BCR: variants seen among roughly 807,000 people sequenced by gnomAD.
BCR encodes BCR activator of RhoGEF and GTPase.
Under a neutral mutation model 138.6 loss-of-function variants are expected in BCR, and 58 were observed. The observed-to-expected ratio is 0.42, with a 90% CI of 0.34 to 0.52. The LOEUF (loss-of-function observed/expected upper bound fraction) is 0.52. Among genes scored for constraint, BCR ranks in the 20% least tolerant of loss-of-function variants. The pLI is 0.06. For missense variants in BCR, 1,599 were observed against 1,727.2 expected (o/e 0.93, Z 1.32); for synonymous variants, 786 against 730.1 (o/e 1.08, Z -1.23).
chr22:23,268,572 A>C, intron 5 of BCR, 57 bp downstream of exon 5: 1 of 1,393,302 alleles, frequency 7.2e-7, no homozygotes. Context: ...TGTACCCTCC[A>C]CCTCCCGAGG....
intron 6 of BCR, among the ~76,000 whole-genome samples, chr22:23,272,296 A>C (rs2073518667): frequency 6.6e-6 from 1 of 152,194 alleles, no homozygotes; most frequent in African/African-American, 2.4e-5. Flanking sequence ...GAATAGTTAC[A>C]CTTGCAAAGA....
intron 1 of BCR, among the ~76,000 whole-genome samples, chr22:23,238,485 G>T (rs1395227654): frequency 6.6e-6 from 1 of 152,096 alleles, no homozygotes; most frequent in Non-Finnish European, 1.5e-5. Context: ...AGCCCCCCAG[G>T]ATACCTGAAG....
intron 1 of BCR, among the ~76,000 whole-genome samples, chr22:23,233,010 C>T (rs1391967427): frequency 3.2e-4 from 49 of 152,236 alleles, no homozygotes; most frequent in Admixed American, 3.2e-3. Flanking sequence ...GCTCTAATAG[C>T]TTCAGCCTGG....
intron 15 of BCR, among the ~76,000 whole-genome samples, chr22:23,293,383 T>G (rs1470401227): frequency 1.3e-5 from 2 of 152,058 alleles, no homozygotes; most frequent in African/African-American, 4.8e-5. Context: ...ACGAGGCTGG[T>G]GGATGGAGCA....
At chr22:23,288,445 T>C (rs1389728610) in intron 12 of BCR, among the ~76,000 whole-genome samples, 3 of 120,636 alleles carry the variant, frequency 2.5e-5, no homozygotes, top group Non-Finnish European at 5.1e-5. Flanking sequence ...CCCCAGGCCC[T>C]TTCCAGATTC....
At chr22:23,238,327 G>C (rs1408285470) in intron 1 of BCR, among the ~76,000 whole-genome samples, 1 of 152,040 alleles carries the variant, frequency 6.6e-6, no homozygotes, top group African/African-American at 2.4e-5. Context: ...GATTTTCCGG[G>C]GGAAAATCCA....
At chr22:23,260,011 C>T (rs2073339148) in intron 2 of BCR, among the ~76,000 whole-genome samples, 1 of 152,190 alleles carries the variant, frequency 6.6e-6, no homozygotes, top group African/African-American at 2.4e-5. Flanking sequence ...AAGAATGTGA[C>T]ATATGGAACC....
intron 1 of BCR, among the ~76,000 whole-genome samples, chr22:23,190,202 T>G (rs1398225700): frequency 1.3e-5 from 2 of 151,998 alleles, no homozygotes; most frequent in Admixed American, 1.3e-4. Flanking sequence ...AGTTTCACTC[T>G]TGTCACCCAG....
chr22:23,277,799 C>T, intron 8 of BCR, among the ~76,000 whole-genome samples: 1 of 152,192 alleles, frequency 6.6e-6, no homozygotes, highest in Non-Finnish European at 1.5e-5. Context: ...AGCCACATCC[C>T]ATGGCTCCAG....
intron 1 of BCR, among the ~76,000 whole-genome samples, chr22:23,250,129 T>C (rs2073207629): frequency 6.6e-6 from 1 of 152,228 alleles, no homozygotes; most frequent in Non-Finnish European, 1.5e-5. Context: ...GCTTCGCACA[T>C]GTGGAGTCTT....
At chr22:23,188,895 C>G (rs1686627491) in intron 1 of BCR, among the ~76,000 whole-genome samples, 1 of 152,030 alleles carries the variant, frequency 6.6e-6, no homozygotes, top group African/African-American at 2.4e-5. Context: ...AAGACGGGGT[C>G]TCACTCTGTC....
At chr22:23,222,723 C>T (rs1353929204) in intron 1 of BCR, among the ~76,000 whole-genome samples, 1 of 152,120 alleles carries the variant, frequency 6.6e-6, no homozygotes, top group Non-Finnish European at 1.5e-5. Flanking sequence ...GTTCAAGAGC[C>T]CAAGCCTTCC....
At chr22:23,283,953 C>T (rs1408549566) in intron 8 of BCR, 24 bp from the exon 9 acceptor site, 2 of 1,572,904 alleles carry the variant, frequency 1.3e-6, no homozygotes. Flanking sequence ...CTGGCCCTGA[C>T]CCCAGCCTTC....
At chr22:23,253,706 A>G (rs2073258778) in intron 1 of BCR, 93 bp from the exon 2 acceptor site, 1 of 1,446,884 alleles carries the variant, frequency 6.9e-7, no homozygotes, top group Non-Finnish European at 9.4e-7. Flanking sequence ...TGTTGGGGAC[A>G]GAGATGGTGT....
At position 23,219,068 on chromosome 22, in the gene BCR, A is replaced by G. The variant is rs117936501; in HGVS notation, c.1280-34731A>G. Among the ~76,000 whole-genome samples the G allele has an allele frequency of 5.1e-4, 77 of 152,218 alleles. No individual in the cohort carries two copies. The East Asian group carries it at 0.014, about 27-fold the overall frequency. ...ATGCCGCTGCCCTAATGGCTGTGAC[A>G]ATGGATGGATGGATGGACGGAGGGC... is the stretch of plus-strand genomic sequence containing the variant. On this transcript the variant is annotated intron_variant, in intron 1 of 22. Transcript: ENST00000305877.
At chr22:23,256,135 C>G (rs2073292422) in intron 2 of BCR, among the ~76,000 whole-genome samples, 1 of 152,214 alleles carries the variant, frequency 6.6e-6, no homozygotes, top group Non-Finnish European at 1.5e-5. Context: ...GCTGTCGCTT[C>G]CTAGGACACC....
chr22:23,298,302 G>C (rs1412226673), intron 16 of BCR, among the ~76,000 whole-genome samples: 2 of 152,202 alleles, frequency 1.3e-5, no homozygotes, highest in Non-Finnish European at 2.9e-5. Context: ...AATCTGATCA[G>C]ATAGCAAGGG....
intron 16 of BCR, among the ~76,000 whole-genome samples, chr22:23,298,062 A>G (rs2073865203): frequency 1.3e-5 from 2 of 152,182 alleles, no homozygotes; most frequent in African/African-American, 2.4e-5. Flanking sequence ...TTTAGTAACT[A>G]TTGTGATAGG....
At chr22:23,314,143 C>G (rs2074039864) in intron 21 of BCR, 70 bp downstream of exon 21, 3 of 1,259,858 alleles carry the variant, frequency 2.4e-6, no homozygotes, top group Admixed American at 1.7e-5. Context: ...TCTGCTCCCA[C>G]TAGACCCCCA....
Sources: gnomAD v4.1 joint callset for allele counts (sites outside exome capture counted in the v4.1 genomes callset) on GRCh38, gnomAD v4.1.1 for gene constraint, MANE v1.5 for transcripts, NCBI Gene and HGNC (gene_info 2026-07-23, HGNC 2026-07-21) for gene names.